The following CSMD2 variants were observed in gnomAD, a reference collection of about 807,000 sequenced individuals.
The protein encoded by CSMD2 is CUB and Sushi multiple domains 2, also known as CUB and sushi domain-containing protein 2.
A neutral mutation model predicts 398.5 loss-of-function variants in CSMD2; 130 were observed. That is an observed-to-expected ratio of 0.33 (90% CI 0.28 to 0.38). The LOEUF (loss-of-function observed/expected upper bound fraction) is 0.38. Among genes scored for constraint, CSMD2 ranks in the 10% least tolerant of loss-of-function variants. The pLI is 1.00. For missense variants in CSMD2, 3,829 were observed against 4,764.9 expected, an observed-to-expected ratio of 0.80 and a Z score of 5.78; for synonymous variants, 1,828 against 1,908.5, an observed-to-expected ratio of 0.96 and a Z score of 1.10.
chr1:33,667,173 C>A (rs1644345113), intron 25 of CSMD2, among the ~76,000 whole-genome samples: 1 of 152,058 alleles, frequency 6.6e-6, no homozygotes, highest in Non-Finnish European at 1.5e-5. Flanking sequence ...ACTCTAGAGG[C>A]CATGTGAAAT....
At chr1:33,692,244 G>A (rs1396446756) in intron 25 of CSMD2, among the ~76,000 whole-genome samples, 1 of 152,170 alleles carries the variant, frequency 6.6e-6, no homozygotes, top group African/African-American at 2.4e-5. Context: ...AGGAATGCCT[G>A]GAAGGAAGTT....
chr1:33,674,963 G>A (rs1350175161), intron 25 of CSMD2, among the ~76,000 whole-genome samples: 1 of 152,176 alleles, frequency 6.6e-6, no homozygotes, highest in Non-Finnish European at 1.5e-5. Context: ...AAAGCAGTGT[G>A]TAGAGGGAAA....
At chr1:33,865,725 G>A (rs540255385) in intron 5 of CSMD2, among the ~76,000 whole-genome samples, 3 of 152,128 alleles carry the variant, frequency 2.0e-5, no homozygotes, top group Non-Finnish European at 2.9e-5. Flanking sequence ...GAATCCCTGT[G>A]GCATCAGAAC....
At chr1:34,100,691 G>A (rs1048155930) in intron 1 of CSMD2, among the ~76,000 whole-genome samples, 7 of 152,100 alleles carry the variant, frequency 4.6e-5, no homozygotes, top group Non-Finnish European at 8.8e-5. Context: ...TCAGTGTATG[G>A]TTATACTAGA....
At chr1:33,823,803 G>T (rs1658466555) in intron 7 of CSMD2, among the ~76,000 whole-genome samples, 1 of 152,134 alleles carries the variant, frequency 6.6e-6, no homozygotes, top group Non-Finnish European at 1.5e-5. Flanking sequence ...TCTCAATAGA[G>T]ATATATATAT....
intron 15 of CSMD2, among the ~76,000 whole-genome samples, chr1:33,729,815 T>G (rs1646664105): frequency 6.6e-6 from 1 of 152,198 alleles, no homozygotes; most frequent in Non-Finnish European, 1.5e-5. Context: ...TAATGACACA[T>G]GAGGCCGTGA....
intron 5 of CSMD2, chr1:33,882,104 A>G (rs1208221067): frequency 6.6e-6 from 1 of 152,200 alleles, no homozygotes; most frequent in African/African-American, 2.4e-5. Context: ...TCACGTTTTA[A>G]TTCCTACCAT....
chr1:34,165,297 G>A, upstream of CSMD2: 1 of 1,202,422 alleles, frequency 8.3e-7, no homozygotes, highest in African/African-American at 1.6e-5. Context: ...CTCCAATCCC[G>A]CTTCGCGGGG....
chr1:33,940,625 G>C (rs1346801913), intron 3 of CSMD2, among the ~76,000 whole-genome samples: 1 of 152,104 alleles, frequency 6.6e-6, no homozygotes, highest in Admixed American at 6.5e-5. Context: ...GAAAATGGCA[G>C]AGCTAGGTTG....
chr1:33,858,503 C>A (rs1321983326), intron 5 of CSMD2, among the ~76,000 whole-genome samples: 1 of 152,128 alleles, frequency 6.6e-6, no homozygotes, highest in East Asian at 1.9e-4. Context: ...TGCTGTGTGG[C>A]CTTGGATAAA....
chr1:34,070,997 T>C (rs966522150), intron 2 of CSMD2, among the ~76,000 whole-genome samples: 14 of 152,120 alleles, frequency 9.2e-5, no homozygotes, highest in African/African-American at 3.1e-4. Context: ...AGCCCCTAGA[T>C]CCCTAGTTAA....
chr1:33,866,814 C>T (rs968935668), intron 5 of CSMD2, among the ~76,000 whole-genome samples: 3 of 152,216 alleles, frequency 2.0e-5, no homozygotes, highest in Non-Finnish European at 4.4e-5. Context: ...TTAATGTTGG[C>T]AGAACTTAGG....
Position 33,822,115 on chromosome 1 carries a change from A to G in CSMD2, c.1112-1559T>C, listed in dbSNP as rs561852839. Among the ~76,000 whole-genome samples the G allele has an allele frequency of 7.9e-5, 12 of 152,292 alleles. No individual in the cohort carries two copies. The South Asian group carries it at 8.3e-4, about 11-fold the overall frequency. ...AAGGCGTGGTGAGACCCGCTGGCTC[A>G]AAGGTGGGCCAGTTACCTAGAGATG... On this transcript the variant is annotated intron_variant, in intron 7 of 70. Transcript: ENST00000373381.
intron 6 of CSMD2, among the ~76,000 whole-genome samples, chr1:33,831,498 G>A (rs1308574412): frequency 6.6e-6 from 1 of 151,848 alleles, no homozygotes; most frequent in South Asian, 2.1e-4. Context: ...CCCTAAAAGA[G>A]CTCCTGAAGG....
chr1:33,697,196 C>T (rs1408907800), intron 24 of CSMD2, among the ~76,000 whole-genome samples: 1 of 152,164 alleles, frequency 6.6e-6, no homozygotes, highest in East Asian at 1.9e-4. Context: ...GAGTCATCAT[C>T]CCTCCTTTTC....
At chr1:33,617,101 C>T (rs866699313) in intron 38 of CSMD2, 126 bp from the exon 39 acceptor site, 4 of 693,226 alleles carry the variant, frequency 5.8e-6, no homozygotes, top group Admixed American at 4.8e-5. Flanking sequence ...CAAAGACACA[C>T]AGATCCACTG....
intron 2 of CSMD2, among the ~76,000 whole-genome samples, chr1:34,063,080 T>C (rs1040253107): frequency 2.8e-4 from 43 of 152,064 alleles, no homozygotes; most frequent in Admixed American, 7.9e-4. Flanking sequence ...AAGAACAGTA[T>C]GGGGGAAACC....
chr1:34,133,428 C>G lies in CSMD2; in HGVS notation c.187+31483G>C, dbSNP rs548788462. ...GGTGGGTCACCTGAGGTCAGGAGTT[C>G]GAGACCAGCCTGGTCAACATGGCAA... On this transcript the variant is annotated intron_variant, in intron 1 of 70. Coordinates refer to ENST00000373381, the MANE Select transcript of CSMD2 (RefSeq NM_001281956.2). Among the ~76,000 whole-genome samples the G allele has an allele frequency of 2.5e-4, 38 of 151,656 alleles. No individual in the cohort carries two copies. The South Asian group carries it at 8.0e-3, about 32-fold the overall frequency.
intron 26 of CSMD2, among the ~76,000 whole-genome samples, chr1:33,658,567 C>G (rs1474615616): frequency 6.6e-6 from 1 of 152,146 alleles, no homozygotes; most frequent in African/African-American, 2.4e-5. Context: ...ATAATTAAGT[C>G]TAAACTCCAT....
Sources: gnomAD v4.1 joint callset for allele counts (sites outside exome capture counted in the v4.1 genomes callset) on GRCh38, gnomAD v4.1.1 for gene constraint, MANE v1.5 for transcripts, NCBI Gene and HGNC (gene_info 2026-07-23, HGNC 2026-07-21) for gene names.